The following PKD1 variants were observed in gnomAD, a reference collection of about 807,000 sequenced individuals.
PKD1 encodes the protein polycystin-1.
In PKD1, 81 loss-of-function variants were observed where a neutral mutation model predicts 361.7. The ratio of observed to expected loss-of-function variants is 0.22; its 90% CI spans 0.19 to 0.27. The LOEUF is 0.27. Among genes scored for constraint, PKD1 ranks in the 10% least tolerant of loss-of-function variants. The pLI is 1.00. For missense variants in PKD1, 6,399 were observed against 6,118.3 expected (o/e 1.05, Z -1.53); for synonymous variants, 3,615 against 2,818.3 (o/e 1.28, Z -8.95).
chr16:2,093,725 G>A lies in PKD1; in HGVS notation c.10835C>T (p.Ala3612Val), dbSNP rs1278551854. Reference sequence around the variant, plus strand: ...CTTGGCCACCAGTGAGAAGTACAGGGCTTCCAGCAAGACCTGGGGAGGGGG... The same window carrying A: ...CTTGGCCACCAGTGAGAAGTACAGGACTTCCAGCAAGACCTGGGGAGGGGG... ...GWEPLKVLLE[A>V]LYFSLVAKRL... Residue 3612 changes from alanine to valine, a missense_variant, in exon 37 of 46, where the codon GCC (alanine) becomes GTC (valine). Physicochemically the swap from Ala to Val is moderately conservative, Grantham distance 64 (BLOSUM62 0). Coordinates refer to ENST00000262304, the MANE Select transcript of PKD1 (RefSeq NM_001009944.3). 4 of 1,587,908 alleles carry A rather than the reference G, an allele frequency of 2.5e-6. No individual in the cohort carries two copies. The highest frequency in any genetic ancestry group is 2.6e-6 in the Non-Finnish European group (3 of 1,166,444).
At position 2,091,480 on chromosome 16, in the gene PKD1, G is replaced by A; in HGVS notation, c.11655C>T (p.Val3885=). Reference sequence around the variant, plus strand: ...TGAGGCGGCGCAGCGCAAAGGGGCGGACGCTGAGGGCGGCCAGGGCGCGGC... The same window carrying A: ...TGAGGCGGCGCAGCGCAAAGGGGCGAACGCTGAGGGCGGCCAGGGCGCGGC... ...AAGRALAALS[V]RPFALRRLSA... is the part of the protein sequence containing the mutation. Residue 3885 remains valine, a synonymous_variant, in exon 42 of 46, where the codon GTC becomes GTT. Coordinates refer to ENST00000262304, the MANE Select transcript of PKD1 (RefSeq NM_001009944.3). 1.5e-6 allele frequency: 2 copies of A among 1,371,102 alleles called. No individual in the cohort carries two copies. The highest frequency in any genetic ancestry group is 1.9e-6 in the Non-Finnish European group (2 of 1,068,602). The allele number at this position is 1,371,102 out of a possible 1,614,324, so 84.9% of individuals were successfully genotyped here. A position where few individuals can be genotyped will look rare whatever the true frequency, so the allele number is the denominator to read the frequency against.
At chr16:2,117,117 A>G in intron 6 of PKD1, 64 bp from the exon 7 acceptor site, 1 of 746,076 alleles carries the variant, frequency 1.3e-6, no homozygotes, top group Admixed American at 2.3e-5. Context: ...CCCTCACAGC[A>G]GCCCGCTGGG....
intron 1 of PKD1, among the ~76,000 whole-genome samples, chr16:2,132,766 G>C (rs894282201): frequency 1.3e-5 from 2 of 151,078 alleles, no homozygotes; most frequent in African/African-American, 4.9e-5. Context: ...GCAGATAAAA[G>C]GGTGGCTGGA....
chr16:2,102,911 G>A lies in PKD1; in HGVS notation c.8851C>T (p.Arg2951Trp), dbSNP rs369731124. 59 of 1,609,432 alleles carry A rather than the reference G, an allele frequency of 3.7e-5. No individual in the cohort carries two copies. The highest frequency in any genetic ancestry group is 8.0e-5 in the African/African-American group (6 of 74,864). ...GCCGAGCAGTTGTGCTCATTGGGCC[G>A]GGGCTCCGAGTGTAGGTAGACTGCC... ...YLAVYLHSEP[R>W]PNEHNCSASR... Residue 2951 changes from arginine to tryptophan, a missense_variant, in exon 24 of 46, where the codon CGG becomes TGG. By Grantham distance (101) the Arg-to-Trp change is moderately radical (BLOSUM62 -3). Coordinates refer to ENST00000262304, the MANE Select transcript of PKD1 (RefSeq NM_001009944.3).
At chr16:2,133,086 A>T (rs2092907684) in intron 1 of PKD1, 1 of 148,562 alleles carries the variant, frequency 6.7e-6, no homozygotes, top group Non-Finnish European at 1.5e-5. Context: ...TGTCTCAAAA[A>T]AAAAAAAAAA....
At position 2,102,439 on chromosome 16, in the gene PKD1, A is replaced by T; in HGVS notation, c.9143T>A (p.Leu3048His). 1 of 1,551,986 alleles carries T rather than the reference A, an allele frequency of 6.4e-7. No individual in the cohort carries two copies. The highest frequency in any genetic ancestry group is 8.7e-7 in the Non-Finnish European group (1 of 1,149,346). Reference sequence around the variant, plus strand: ...GAAGAGGCTGGCGCCGAAGGCGGTGAGGTGGCGGGTGAGGCAGACGGCCTG... The same window carrying T: ...GAAGAGGCTGGCGCCGAAGGCGGTGTGGTGGCGGGTGAGGCAGACGGCCTG... ...PRQAVCLTRH[L>H]TAFGASLFVP... The change falls in exon 25 of 46, where the codon CTC becomes CAC. Residue 3048 changes from leucine to histidine, a missense_variant. Transcript: ENST00000262304.
rs2092044630 is a variant in PKD1 at position 2,100,369 on chromosome 16, G to A, written c.9568+27C>T. The stretch of plus-strand genomic sequence containing the variant: ...GGCGCCCCAATGCGGGGGCAGAGGG[G>A]CAGAGCTTGGCAGGGTCCGCACAAA... On this transcript the variant is annotated intron_variant, in intron 27 of 45. Coordinates refer to ENST00000262304, the MANE Select transcript of PKD1 (RefSeq NM_001009944.3). The surrounding 1 kb of genome is among the most constrained non-coding windows in gnomAD (Gnocchi z 4.4). The A allele has an allele frequency of 1.2e-6, 2 of 1,611,002 alleles. No individual in the cohort carries two copies. The highest frequency in any genetic ancestry group is 1.7e-6 in the Non-Finnish European group (2 of 1,179,576).
chr16:2,089,340 A>AACTT lies in PKD1; in HGVS notation c.*383_*386dup, dbSNP rs2091336759. 1 of 321,434 alleles carries AACTT rather than the reference A, an allele frequency of 3.1e-6. No homozygotes were observed. Among genetic ancestry groups the AACTT allele is most frequent in the Non-Finnish European group, 5.8e-6 (1 of 171,486 alleles). 19.9% of individuals were successfully genotyped at this position (321,434 alleles called of 1,614,324 possible). On this transcript the variant is annotated 3_prime_UTR_variant, in exon 46 of 46. Transcript: ENST00000262304. ...GTACGGTAGGAACTGGAGAGGTAATAACTTAGGGGCAGGGTGGCGGCGGTG... is the reference window on the plus strand; with the variant it reads ...GTACGGTAGGAACTGGAGAGGTAATAACTTACTTAGGGGCAGGGTGGCGGCGGTG...
rs752690118 is a variant in PKD1 at position 2,106,687 on chromosome 16, G to T, written c.7210-10C>A. On this transcript the variant is annotated splice_polypyrimidine_tract_variant and intron_variant, in intron 17 of 45. Transcript: ENST00000262304. This position sits in a 1 kb window ranked among gnomAD's most constrained non-coding sequence, Gnocchi z 6.5. Reference sequence around the variant, plus strand: ...TACGTGCAGCCCACCGCTGCAGGCAGAAGGGGTGGTGAGGGGGCGCAACCC... The same window carrying T: ...TACGTGCAGCCCACCGCTGCAGGCATAAGGGGTGGTGAGGGGGCGCAACCC... 9.4e-5 allele frequency: 149 copies of T among 1,592,608 alleles called. No homozygotes were observed. Among genetic ancestry groups the T allele is most frequent in the Non-Finnish European group, 1.1e-4 (133 of 1,176,920 alleles).
intron 30 of PKD1, chr16:2,099,191 C>G (rs1219569525): frequency 2.9e-6 from 1 of 344,382 alleles, no homozygotes; most frequent in African/African-American, 2.2e-5. Context: ...TCTCAAACTC[C>G]TGGACTCAGA....
rs113824832 is a variant in PKD1 at position 2,097,582 on chromosome 16, AC to A, written c.10221-80del. On this transcript the variant is annotated intron_variant, in intron 32 of 45. Transcript: ENST00000262304. Reference sequence around the variant, plus strand: ...CACCCCCGTCCAGTCACGCACGGACACCCTGGGCTTCCGAGCAAACCTGCTC... The same window carrying A: ...CACCCCCGTCCAGTCACGCACGGACACCTGGGCTTCCGAGCAAACCTGCTC... 0.013 allele frequency: 20,217 copies of A among 1,608,202 alleles called. 2,181 individuals carry two copies. The African/African-American group carries it at 0.23, about 18-fold the overall frequency.
Position 2,089,403 on chromosome 16 carries a change from G to T in PKD1, c.*324C>A. The T allele has an allele frequency of 2.2e-6, 1 of 447,418 alleles. No homozygotes were observed. Among genetic ancestry groups the T allele is most frequent in the East Asian group, 4.0e-5 (1 of 24,710 alleles). The allele number at this position is 447,418 out of a possible 1,614,324, so 27.7% of individuals were successfully genotyped here. A position where few individuals can be genotyped will look rare whatever the true frequency, so the allele number is the denominator to read the frequency against. On this transcript the variant is annotated 3_prime_UTR_variant, in exon 46 of 46. Transcript: ENST00000262304. Reference sequence around the variant, plus strand: ...CCCTGAAGCCAGCAGCCTTAGCAGTGGGGGACATCTGCCCAGGGGGTGGGG... The same window carrying T: ...CCCTGAAGCCAGCAGCCTTAGCAGTTGGGGACATCTGCCCAGGGGGTGGGG...
At chr16:2,097,830 C>A (rs1253414709) in intron 31 of PKD1, 38 bp downstream of exon 31, 6 of 1,609,528 alleles carry the variant, frequency 3.7e-6, no homozygotes, top group Non-Finnish European at 5.1e-6. Context: ...GGCGGCAGGA[C>A]CCCCAGCCCA....
At position 2,100,473 on chromosome 16, in the gene PKD1, C is replaced by A. The variant is rs1188387738; in HGVS notation, c.9491G>T (p.Ser3164Ile). The change falls in exon 27 of 46, where the codon AGC (serine) becomes ATC (isoleucine). Residue 3164 changes from serine to isoleucine, a missense_variant. Ser to Ile is a moderately radical substitution (Grantham distance 142). Transcript: ENST00000262304. The surrounding 1 kb of genome is among the most constrained non-coding windows in gnomAD (Gnocchi z 4.4). ...LDGDRAFHRN[S>I]LDIFRIATPH... The stretch of plus-strand genomic sequence containing the variant: ...GGTGGCGATCCGGAAGATGTCCAGG[C>A]TGTTGCGGTGGAAGGCTCTGTCGCC... 1 of 1,610,682 alleles carries A rather than the reference C, an allele frequency of 6.2e-7. No homozygotes were observed. The highest frequency in any genetic ancestry group is 8.5e-7 in the Non-Finnish European group (1 of 1,179,658).
At chr16:2,090,620 T>C (rs906903643) in intron 44 of PKD1, 30 bp from the exon 45 acceptor site, 1 of 1,609,044 alleles carries the variant, frequency 6.2e-7, no homozygotes. Context: ...AGTGAGGGCG[T>C]ACAGCTGAGC....
chr16:2,093,905 A>C lies in PKD1; in HGVS notation c.10727T>G (p.Val3576Gly). The change falls in exon 36 of 46, where the codon GTG (valine) becomes GGG (glycine). Residue 3576 changes from valine to glycine, a missense_variant. Coordinates refer to ENST00000262304, the MANE Select transcript of PKD1 (RefSeq NM_001009944.3). ...CACGCCCGGGGGGAAGCTCGCACCC[A>C]CCCACCCTGAGACAGCCACAGCCAC... ...VAVAVAVSGW[V>G]GASFPPGVSV... 6.3e-7 allele frequency: 1 copy of C among 1,577,888 alleles called. No homozygotes were observed. The highest frequency in any genetic ancestry group is 1.8e-5 in the Admixed American group (1 of 56,894).
intron 1 of PKD1, among the ~76,000 whole-genome samples, chr16:2,129,266 C>T (rs1453030204): frequency 6.7e-6 from 1 of 149,414 alleles, no homozygotes; most frequent in Non-Finnish European, 1.5e-5. Flanking sequence ...CTCAGGGAAT[C>T]CTCCCCCCTC....
At position 2,090,478 on chromosome 16, in the gene PKD1, G is replaced by C. The variant is rs752697395; in HGVS notation, c.12251C>G (p.Pro4084Arg). 5 of 1,612,166 alleles carry C rather than the reference G, an allele frequency of 3.1e-6. No homozygotes were observed. The highest frequency in any genetic ancestry group is 4.2e-6 in the Non-Finnish European group (5 of 1,179,734). Residue 4084 changes from proline to arginine, a missense_variant, in exon 45 of 46, where the codon CCC (proline) becomes CGC (arginine). Transcript: ENST00000262304. Reference sequence around the variant, plus strand: ...TGCCCAGAGCCCCACACACAGCAGGGGTGACAGGTGCCAGGACTCGGCAGG... The same window carrying C: ...TGCCCAGAGCCCCACACACAGCAGGCGTGACAGGTGCCAGGACTCGGCAGG... ...LCPAESWHLSPLLCVGLWALR... is the reference protein window; with the variant it reads ...LCPAESWHLSRLLCVGLWALR...
rs780684863 is a variant in PKD1 at position 2,093,501 on chromosome 16, AAG to A, written c.11016+41_11016+42del. The A allele has an allele frequency of 5.3e-6, 8 of 1,518,186 alleles. No homozygotes were observed. The African/African-American group carries it at 1.5e-4, about 28-fold the overall frequency. 94.0% of individuals were successfully genotyped at this position (1,518,186 alleles called of 1,614,324 possible). ...CGTGCATGGGTGGGAGGTGGGAGAC[AAG>A]AGACGGAGGTGGCAGGGGCACAGGC... is the stretch of plus-strand genomic sequence containing the variant. On this transcript the variant is annotated intron_variant, in intron 37 of 45. Transcript: ENST00000262304.
Sources: allele counts gnomAD v4.1 joint callset (sites outside exome capture counted in the v4.1 genomes callset), GRCh38; gene constraint gnomAD v4.1.1; non-coding constraint Gnocchi (gnomAD v3.1); transcripts MANE v1.5; gene names NCBI Gene and HGNC (gene_info 2026-07-23, HGNC 2026-07-21).